Variants in EIF3H observed in about 807,000 individuals in gnomAD.
EIF3H encodes eukaryotic translation initiation factor 3 subunit H, also known as eIF-3-gamma.
Under a neutral mutation model 44.2 loss-of-function variants are expected in EIF3H, and 26 were observed. The observed-to-expected ratio is 0.59, with a 90% CI of 0.43 to 0.82. The LOEUF (loss-of-function observed/expected upper bound fraction) is 0.82, where lower values mean the gene tolerates loss of function less well. EIF3H is among the 40% of genes least tolerant of loss of function. The pLI is 0.00. For synonymous variants in EIF3H, 166 were observed against 151.9 expected (o/e 1.09, Z -0.68); for missense variants, 359 against 432.8 (o/e 0.83, Z 1.51).
chr8:116,741,941 A>C (rs1815139591), intron 1 of EIF3H, among the ~76,000 whole-genome samples: 1 of 152,254 alleles, frequency 6.6e-6, no homozygotes, highest in African/African-American at 2.4e-5. Context: ...AAAAGCAGAA[A>C]GCTGCATTAG....
At chr8:116,670,398 G>A (rs534515928) in intron 2 of EIF3H, among the ~76,000 whole-genome samples, 1 of 152,272 alleles carries the variant, frequency 6.6e-6, no homozygotes, top group South Asian at 2.1e-4. Flanking sequence ...ATCAGGACAA[G>A]TACAAATGAC....
chr8:116,752,795 G>GGAAGGAAGGAAGGAAGGAA (rs1563663297), intron 1 of EIF3H, among the ~76,000 whole-genome samples: 3 of 80,366 alleles, frequency 3.7e-5, no homozygotes, highest in Non-Finnish European at 6.8e-5. Context: ...GAGGGAGGGA[G>GGAAGGAAGGAAGGAAGGAA]GGAAGGAAGG....
intron 2 of EIF3H, among the ~76,000 whole-genome samples, chr8:116,702,897 G>A (rs185176186): frequency 2.6e-5 from 4 of 152,196 alleles, no homozygotes; most frequent in African/African-American, 4.8e-5. Context: ...GTGGGGGGTG[G>A]CAGTGATCTT....
intron 2 of EIF3H, among the ~76,000 whole-genome samples, chr8:116,716,559 T>C (rs1563651203): frequency 6.6e-6 from 1 of 152,128 alleles, no homozygotes; most frequent in Non-Finnish European, 1.5e-5. Context: ...AGAGAGGATT[T>C]ACTGCCTTAT....
chr8:116,676,470 T>C (rs1415256430), intron 2 of EIF3H, among the ~76,000 whole-genome samples: 1 of 152,158 alleles, frequency 6.6e-6, no homozygotes, highest in Non-Finnish European at 1.5e-5. Context: ...AAGAGCCTCT[T>C]ATAAAACCAT....
intron 2 of EIF3H, among the ~76,000 whole-genome samples, chr8:116,720,262 T>C (rs1274594725): frequency 6.6e-6 from 1 of 152,234 alleles, no homozygotes; most frequent in African/African-American, 2.4e-5. Flanking sequence ...TAAATTGAAA[T>C]TTTAAAAACT....
At chr8:116,661,898 C>T (rs547299884) in intron 2 of EIF3H, among the ~76,000 whole-genome samples, 2 of 152,140 alleles carry the variant, frequency 1.3e-5, no homozygotes, top group Non-Finnish European at 2.9e-5. Flanking sequence ...AAGCCTATAG[C>T]CGTGTGGAGA....
In EIF3H at chr8:116,662,905, G is replaced by A. The variant is rs758578590; in HGVS notation, c.290-3925C>T. Among the ~76,000 whole-genome samples the A allele has an allele frequency of 3.3e-5, 5 of 152,290 alleles. No individual in the cohort carries two copies. The East Asian group carries it at 5.8e-4, about 18-fold the overall frequency. On this transcript the variant is annotated intron_variant, in intron 2 of 7. Coordinates refer to ENST00000521861, the MANE Select transcript of EIF3H (RefSeq NM_003756.3). ...TGTCTTTCCAGATTCCAATCTCCTG[G>A]ATGAACACCCTTGCTTTTGTGGCTA...
intron 2 of EIF3H, among the ~76,000 whole-genome samples, chr8:116,679,233 C>T (rs1813918683): frequency 1.5e-5 from 1 of 67,484 alleles, no homozygotes; most frequent in African/African-American, 4.9e-5. Context: ...TCTGCCCGGC[C>T]GCCCCTACTG....
At chr8:116,663,423 T>C (rs1563635916) in intron 2 of EIF3H, among the ~76,000 whole-genome samples, 2 of 152,200 alleles carry the variant, frequency 1.3e-5, no homozygotes, top group Non-Finnish European at 2.9e-5. Flanking sequence ...TTTCAACTAA[T>C]GACATTCTCT....
chr8:116,703,375 G>C (rs1316355985), intron 2 of EIF3H, among the ~76,000 whole-genome samples: 1 of 151,704 alleles, frequency 6.6e-6, no homozygotes, highest in Non-Finnish European at 1.5e-5. Context: ...CTTTCCCCGG[G>C]GGAGTTAGAG....
intron 2 of EIF3H, among the ~76,000 whole-genome samples, chr8:116,664,333 A>G (rs1813632605): frequency 6.6e-6 from 1 of 152,216 alleles, no homozygotes; most frequent in African/African-American, 2.4e-5. Flanking sequence ...CACATATGAA[A>G]ACACTGAAAA....
At chr8:116,648,300 C>T (rs143198073) in intron 6 of EIF3H, among the ~76,000 whole-genome samples, 1 of 152,310 alleles carries the variant, frequency 6.6e-6, no homozygotes, top group Non-Finnish European at 1.5e-5. Context: ...ATGGTCACAG[C>T]CGTAGATGTG....
At chr8:116,696,192 C>G (rs1248823158) in intron 2 of EIF3H, among the ~76,000 whole-genome samples, 1 of 152,084 alleles carries the variant, frequency 6.6e-6, no homozygotes, top group East Asian at 1.9e-4. Context: ...AGGGAAGGTA[C>G]AAAATGAGCC....
At chr8:116,763,222 T>C (rs1815535299) in intron 1 of EIF3H, among the ~76,000 whole-genome samples, 3 of 152,174 alleles carry the variant, frequency 2.0e-5, no homozygotes, top group African/African-American at 4.8e-5. Context: ...GCAAAATGTA[T>C]AGAATTGTTA....
Position 116,649,018 on chromosome 8 carries a change from G to A in EIF3H, c.708-92C>T, listed in dbSNP as rs979634529. On this transcript the variant is annotated intron_variant, in intron 5 of 7. Coordinates refer to ENST00000521861, the MANE Select transcript of EIF3H (RefSeq NM_003756.3). Reference sequence around the variant, plus strand: ...AGTTTTAAGATATGAACTTGAACTGGCTTTTGCTAAAAGAATGAGAGCACA... The same window carrying A: ...AGTTTTAAGATATGAACTTGAACTGACTTTTGCTAAAAGAATGAGAGCACA... The A allele has an allele frequency of 2.6e-5, 30 of 1,159,548 alleles. 1 individual carries two copies. In the African/African-American group the frequency reaches 3.5e-4, roughly 13 times the overall value. 71.8% of individuals were successfully genotyped at this position (1,159,548 alleles called of 1,614,324 possible). A position where few individuals can be genotyped will look rare whatever the true frequency, so the allele number is the denominator to read the frequency against.
intron 6 of EIF3H, among the ~76,000 whole-genome samples, chr8:116,648,303 T>C (rs1296266061): frequency 6.6e-6 from 1 of 152,242 alleles, no homozygotes; most frequent in African/African-American, 2.4e-5. Context: ...GTCACAGCCG[T>C]AGATGTGTGC....
At chr8:116,723,758 C>T (rs1333827078) in intron 2 of EIF3H, among the ~76,000 whole-genome samples, 1 of 152,066 alleles carries the variant, frequency 6.6e-6, no homozygotes, top group Non-Finnish European at 1.5e-5. Context: ...GAATAAAATA[C>T]TTAGGAATAC....
At chr8:116,727,779 C>T (rs1169343517) in intron 1 of EIF3H, among the ~76,000 whole-genome samples, 1 of 152,184 alleles carries the variant, frequency 6.6e-6, no homozygotes, top group Non-Finnish European at 1.5e-5. Context: ...AAGAAAAACA[C>T]TCTTTGATCA....
Sources: allele counts gnomAD v4.1 joint callset (sites outside exome capture counted in the v4.1 genomes callset), GRCh38; gene constraint gnomAD v4.1.1; transcripts MANE v1.5; gene names NCBI Gene and HGNC (gene_info 2026-07-23, HGNC 2026-07-21).